GAREM1: variants seen among roughly 807,000 people sequenced by gnomAD.
The protein encoded by GAREM1 is GRB2 associated regulator of MAPK1 subtype 1, also known as GRB2-associated and regulator of MAPK protein 1.
A neutral mutation model predicts 71.3 loss-of-function variants in GAREM1; 26 were observed. That is an observed-to-expected ratio of 0.36 (90% confidence interval 0.27 to 0.51). GAREM1 has a LOEUF of 0.51. GAREM1 is among the 20% of genes least tolerant of loss of function. The pLI, the probability that GAREM1 is intolerant of heterozygous loss-of-function variation, is 0.95. For missense variants in GAREM1, 1,026 were observed against 1,103.1 expected, an observed-to-expected ratio of 0.93 and a Z score of 0.99; for synonymous variants, 440 against 433.2, an observed-to-expected ratio of 1.02 and a Z score of -0.20.
intron 3 of GAREM1, among the ~76,000 whole-genome samples, chr18:32,290,946 T>TATGC (rs1387833223): frequency 6.6e-6 from 1 of 152,140 alleles, no homozygotes; most frequent in Non-Finnish European, 1.5e-5. Flanking sequence ...TCAAATAACA[T>TATGC]ATGCATTTAT....
At position 32,333,819 on chromosome 18, in the gene GAREM1, G is replaced by T. The variant is rs184634233; in HGVS notation, c.263-23496C>A. On this transcript the variant is annotated intron_variant, in intron 2 of 5. Coordinates refer to ENST00000269209, the MANE Select transcript of GAREM1 (RefSeq NM_001242409.2). The stretch of plus-strand genomic sequence containing the variant: ...TCCTCAGTTTTGGAAATAACCTCTA[G>T]GTGCTTATCATTGGTGTCAACAATG... Among the ~76,000 whole-genome samples the T allele has an allele frequency of 1.4e-4, 21 of 152,248 alleles. No individual in the cohort carries two copies. The East Asian group carries it at 4.1e-3, about 29-fold the overall frequency.
At chr18:32,309,432 G>A (rs571087390) in intron 3 of GAREM1, among the ~76,000 whole-genome samples, 14 of 142,882 alleles carry the variant, frequency 9.8e-5, no homozygotes, top group African/African-American at 2.9e-4. Flanking sequence ...TGGCTAACAC[G>A]GTGAAACCCC....
rs554357518 is a variant in GAREM1 at position 32,447,763 on chromosome 18, T to C, written c.121+22545A>G. Among the ~76,000 whole-genome samples the C allele has an allele frequency of 5.9e-5, 9 of 152,290 alleles. No individual in the cohort carries two copies. In the East Asian group the frequency reaches 9.6e-4, roughly 16 times the overall value. Reference sequence around the variant, plus strand: ...GGGACCTTATACTTCCCCATCCGCTTTGCACATCATAGGCATGTTCACAAA... The same window carrying C: ...GGGACCTTATACTTCCCCATCCGCTCTGCACATCATAGGCATGTTCACAAA... On this transcript the variant is annotated intron_variant, in intron 1 of 5. Transcript: ENST00000269209.
intron 1 of GAREM1, among the ~76,000 whole-genome samples, chr18:32,398,800 C>A (rs577863935): frequency 1.2e-4 from 18 of 152,218 alleles, no homozygotes; most frequent in Admixed American, 7.2e-4. Flanking sequence ...AGAGGGAATC[C>A]TCCCTAACTC....
chr18:32,347,826 A>C (rs768352827), intron 2 of GAREM1, among the ~76,000 whole-genome samples: 2 of 152,178 alleles, frequency 1.3e-5, no homozygotes, highest in Non-Finnish European at 2.9e-5. Context: ...GGCTTAGTAG[A>C]CCATCTTGTA....
chr18:32,398,740 A>T (rs909509009), intron 1 of GAREM1, among the ~76,000 whole-genome samples: 12 of 152,192 alleles, frequency 7.9e-5, no homozygotes, highest in Non-Finnish European at 1.8e-4. Flanking sequence ...CCAGAGGTAC[A>T]AGGAGGAGCT....
At position 32,413,185 on chromosome 18, in the gene GAREM1, G is replaced by A. The variant is rs552192715; in HGVS notation, c.122-20150C>T. ...GACTCTGACTTAGACATGACGGCAG[G>A]GTGAAGAGAGACTTTAACGATGCTT... On this transcript the variant is annotated intron_variant, in intron 1 of 5. Coordinates refer to ENST00000269209, the MANE Select transcript of GAREM1 (RefSeq NM_001242409.2). The A allele has an allele frequency of 1.3e-4, 203 of 1,602,708 alleles. No homozygotes were observed. In the African/African-American group the frequency reaches 2.6e-3, roughly 20 times the overall value.
At chr18:32,388,102 G>T (rs1289777016) in intron 2 of GAREM1, among the ~76,000 whole-genome samples, 1 of 152,070 alleles carries the variant, frequency 6.6e-6, no homozygotes, top group African/African-American at 2.4e-5. Context: ...AAAAATGAAG[G>T]GGGCATGTCA....
chr18:32,318,106 TC>T lies in GAREM1; in HGVS notation c.263-7784del, dbSNP rs2047397522. Among the ~76,000 whole-genome samples the T allele has an allele frequency of 2.0e-5, 3 of 152,324 alleles. No individual in the cohort carries two copies. The South Asian group carries it at 6.2e-4, about 32-fold the overall frequency. On this transcript the variant is annotated intron_variant, in intron 2 of 5. Transcript: ENST00000269209. Reference sequence around the variant, plus strand: ...AAAATGTCTCCATTGTAAGAGCTGTTCCATCTGCAGGCCCCTGAAAGTTCCA... The same window carrying T: ...AAAATGTCTCCATTGTAAGAGCTGTTCATCTGCAGGCCCCTGAAAGTTCCA...
At chr18:32,459,943 C>T (rs1296451896) in intron 1 of GAREM1, among the ~76,000 whole-genome samples, 1 of 151,986 alleles carries the variant, frequency 6.6e-6, no homozygotes, top group East Asian at 1.9e-4. Context: ...TCTGTTATAA[C>T]GAGTGCTTTC....
chr18:32,392,266 T>A lies in GAREM1; in HGVS notation c.262+629A>T, dbSNP rs572578873. 6.6e-5 allele frequency among the ~76,000 whole-genome samples: 10 copies of A among 152,244 alleles called. 1 individual carries two copies. The South Asian group carries it at 2.1e-3, about 32-fold the overall frequency. On this transcript the variant is annotated intron_variant, in intron 2 of 5. Transcript: ENST00000269209. ...TAAAGCTTATTTAAGCCACTAGATG[T>A]ATCCCAACCTCCTAGAACAGTACTG...
At chr18:32,274,047 C>T (rs1247396370) in intron 4 of GAREM1, among the ~76,000 whole-genome samples, 1 of 152,110 alleles carries the variant, frequency 6.6e-6, no homozygotes, top group Non-Finnish European at 1.5e-5. Context: ...AGGGGCAGCC[C>T]ACGGCAGGTG....
chr18:32,442,185 C>T (rs886083578), intron 1 of GAREM1, among the ~76,000 whole-genome samples: 6 of 152,278 alleles, frequency 3.9e-5, no homozygotes, highest in African/African-American at 1.2e-4. Flanking sequence ...ACAATGCCCA[C>T]TGCCTGTTAT....
At chr18:32,322,152 C>T (rs75000402) in intron 2 of GAREM1, among the ~76,000 whole-genome samples, 5,221 of 152,272 alleles carry the variant, frequency 0.034, 289 homozygotes, top group African/African-American at 0.12. Flanking sequence ...CTTGACCTCG[C>T]TCTGTTCCTG....
intron 1 of GAREM1, among the ~76,000 whole-genome samples, chr18:32,418,932 A>C (rs2048493481): frequency 6.6e-6 from 1 of 152,220 alleles, no homozygotes. Context: ...AAATATAGTC[A>C]GACGTCTAGC....
At chr18:32,432,821 C>T (rs939611733) in intron 1 of GAREM1, among the ~76,000 whole-genome samples, 3 of 151,972 alleles carry the variant, frequency 2.0e-5, no homozygotes, top group African/African-American at 7.2e-5. Flanking sequence ...AAAGAGAAAT[C>T]CCAAAGCCAA....
At chr18:32,435,975 A>C (rs2048673301) in intron 1 of GAREM1, among the ~76,000 whole-genome samples, 1 of 152,214 alleles carries the variant, frequency 6.6e-6, no homozygotes, top group Non-Finnish European at 1.5e-5. Flanking sequence ...TTTCAATCTC[A>C]GGTCAAAGTT....
Position 32,305,453 on chromosome 18 carries a change from T to G in GAREM1, c.393+4740A>C, listed in dbSNP as rs113164995. On this transcript the variant is annotated intron_variant, in intron 3 of 5. Transcript: ENST00000269209. ...TCTCATTTTCTCAAACATATCTATCTCATAAGTCCAGTTCTCATTGGGGCT... is the reference window on the plus strand; with the variant it reads ...TCTCATTTTCTCAAACATATCTATCGCATAAGTCCAGTTCTCATTGGGGCT... Among the ~76,000 whole-genome samples, 561 of 152,332 alleles carry G rather than the reference T, an allele frequency of 3.7e-3. 1 individual carries two copies. The highest frequency in any genetic ancestry group is 5.3e-3 in the Non-Finnish European group (359 of 68,030).
At position 32,470,278 on chromosome 18, in the gene GAREM1, C is replaced by A; in HGVS notation, c.121+30G>T. On this transcript the variant is annotated intron_variant, in intron 1 of 5. Coordinates refer to ENST00000269209, the MANE Select transcript of GAREM1 (RefSeq NM_001242409.2). This position sits in a 1 kb window ranked among gnomAD's most constrained non-coding sequence, Gnocchi z 4.4. ...CCGCGTGGAGACGGCTGTCCTCGCCCGTCTGCCCCGCGCCCCAGCTGGGAC... is the reference window on the plus strand; with the variant it reads ...CCGCGTGGAGACGGCTGTCCTCGCCAGTCTGCCCCGCGCCCCAGCTGGGAC... 1 of 1,477,768 alleles carries A rather than the reference C, an allele frequency of 6.8e-7. No individual in the cohort carries two copies. Among genetic ancestry groups the A allele is most frequent in the Non-Finnish European group, 9.0e-7 (1 of 1,110,484 alleles). The allele number at this position is 1,477,768 out of a possible 1,614,324, so 91.5% of individuals were successfully genotyped here.
Sources: allele counts gnomAD v4.1 joint callset (sites outside exome capture counted in the v4.1 genomes callset), GRCh38; gene constraint gnomAD v4.1.1; non-coding constraint Gnocchi (gnomAD v3.1); transcripts MANE v1.5; gene names NCBI Gene and HGNC (gene_info 2026-07-23, HGNC 2026-07-21).